The following FUT8 variants were observed in gnomAD, a reference collection of about 807,000 sequenced individuals.
The protein encoded by FUT8 is fucosyltransferase 8, also known as alpha-(1,6)-fucosyltransferase.
In FUT8, 29 loss-of-function variants were observed where a neutral mutation model predicts 71.3. The ratio of observed to expected loss-of-function variants is 0.41; its 90% CI spans 0.30 to 0.55. FUT8 has a LOEUF of 0.55. FUT8 is among the 20% of genes least tolerant of loss of function. FUT8 has a pLI of 0.34. For missense variants in FUT8, 544 were observed against 702.1 expected, an observed-to-expected ratio of 0.77 and a Z score of 2.55; for synonymous variants, 254 against 239.3, an observed-to-expected ratio of 1.06 and a Z score of -0.57.
intron 2 of FUT8, among the ~76,000 whole-genome samples, chr14:65,525,986 G>T (rs1883440178): frequency 6.6e-6 from 1 of 152,148 alleles, no homozygotes; most frequent in East Asian, 1.9e-4. Context: ...TTCCAATTAT[G>T]TGGTCAATTT....
chr14:65,378,425 G>A, the FUT8 span, among the ~76,000 whole-genome samples: 13 of 152,240 alleles, frequency 8.5e-5, no homozygotes, highest in Admixed American at 2.6e-4. Context: ...TTTTGGAGTG[G>A]AGATGAAATG....
chr14:65,451,666 T>C (rs1241854385), intron 1 of FUT8, among the ~76,000 whole-genome samples: 1 of 152,156 alleles, frequency 6.6e-6, no homozygotes, highest in Non-Finnish European at 1.5e-5. Flanking sequence ...GGGGATTTTA[T>C]TGGAAATGAA....
Position 65,613,004 on chromosome 14 carries a change from A to AT in FUT8, c.204-2964dup, listed in dbSNP as rs1026782587. On this transcript the variant is annotated intron_variant, in intron 3 of 10. Transcript: ENST00000673929. The stretch of plus-strand genomic sequence containing the variant: ...AGTTTGGAAAGAATAGTTCTCCTGT[A>AT]TTTTTTTTTTAGAGTGATTTTTCCA... Among the ~76,000 whole-genome samples, 519 of 145,258 alleles carry AT rather than the reference A, an allele frequency of 3.6e-3. 4 individuals are homozygous for AT. The highest frequency in any genetic ancestry group is 9.1e-3 in the African/African-American group (360 of 39,494).
intron 6 of FUT8, among the ~76,000 whole-genome samples, chr14:65,659,294 A>G (rs1891845928): frequency 6.6e-6 from 1 of 152,034 alleles, no homozygotes; most frequent in East Asian, 1.9e-4. Context: ...GCATGGAGAA[A>G]TGAGACAAAG....
At position 65,514,845 on chromosome 14, in the gene FUT8, C is replaced by T. The variant is rs1023408065; in HGVS notation, c.-227-46492C>T. On this transcript the variant is annotated intron_variant, in intron 2 of 10. Transcript: ENST00000673929. ...AATCACTTCTTTACCTCAGTTTTCT[C>T]CTCTTCAAAATGGAGATAATGCCTA... 2.0e-5 allele frequency among the ~76,000 whole-genome samples: 3 copies of T among 152,174 alleles called. No homozygotes were observed. In the East Asian group the frequency reaches 5.8e-4, roughly 29 times the overall value.
intron 7 of FUT8, among the ~76,000 whole-genome samples, chr14:65,720,635 C>T (rs1427719735): frequency 4.6e-5 from 7 of 152,170 alleles, no homozygotes; most frequent in Admixed American, 6.5e-5. Flanking sequence ...CACTAGGTTA[C>T]GTGCCCCCTA....
chr14:65,424,236 T>C (rs1477141110), intron 1 of FUT8, among the ~76,000 whole-genome samples: 2 of 152,230 alleles, frequency 1.3e-5, no homozygotes. Flanking sequence ...ATATTCACTC[T>C]TGAGCTCACC....
At position 65,611,953 on chromosome 14, in the gene FUT8, A is replaced by T. The variant is rs148828291; in HGVS notation, c.204-4025A>T. 9.8e-3 allele frequency among the ~76,000 whole-genome samples: 1,494 copies of T among 152,204 alleles called. 24 individuals are homozygous for T. The highest frequency in any genetic ancestry group is 0.035 in the African/African-American group (1,435 of 41,514). ...TGGGATTACAGGCGTGAGCCACCGC[A>T]CCTGGCCTATTAAAATTTTAACATC... On this transcript the variant is annotated intron_variant, in intron 3 of 10. Coordinates refer to ENST00000673929, the MANE Select transcript of FUT8 (RefSeq NM_001371533.1).
chr14:65,378,767 T>C, the FUT8 span, among the ~76,000 whole-genome samples: 1 of 152,156 alleles, frequency 6.6e-6, no homozygotes, highest in Admixed American at 6.5e-5. Context: ...GCATCAAAAT[T>C]TTCTTTGACT....
At chr14:65,734,972 TCTCCAGACATTGCCAGATGC>T (rs2034800309) in intron 10 of FUT8, among the ~76,000 whole-genome samples, 1 of 152,128 alleles carries the variant, frequency 6.6e-6, no homozygotes, top group Admixed American at 6.5e-5. Context: ...ACCAAAGATG[TCTCCAGACATTGCCAGATGC>T]CAGATGCCCC....
chr14:65,409,435 A>G (rs1373283211), upstream of FUT8, among the ~76,000 whole-genome samples: 2 of 152,204 alleles, frequency 1.3e-5, no homozygotes, highest in African/African-American at 2.4e-5. The surrounding 1 kb of genome is among the most constrained non-coding windows in gnomAD (Gnocchi z 5.4). Flanking sequence ...CAAAGGTTTG[A>G]TTTGAGAATT....
chr14:65,503,183 C>T (rs897753355), intron 2 of FUT8, among the ~76,000 whole-genome samples: 2 of 152,202 alleles, frequency 1.3e-5, no homozygotes, highest in African/African-American at 4.8e-5. Flanking sequence ...TAATGCTGCC[C>T]TGAATGCAGA....
chr14:65,609,634 A>G (rs7155055), intron 3 of FUT8, among the ~76,000 whole-genome samples: 9,337 of 151,762 alleles, frequency 0.062, 446 homozygotes, highest in Admixed American at 0.11. Context: ...CTAGTACCTC[A>G]CTGTCTTGAT....
At chr14:65,594,019 C>T (rs1013497367) in intron 3 of FUT8, among the ~76,000 whole-genome samples, 3 of 152,232 alleles carry the variant, frequency 2.0e-5, no homozygotes, top group Non-Finnish European at 4.4e-5. Context: ...CTAAGATGTG[C>T]TTTCTAACAA....
At chr14:65,602,363 A>T (rs1888344593) in intron 3 of FUT8, among the ~76,000 whole-genome samples, 1 of 128,136 alleles carries the variant, frequency 7.8e-6, no homozygotes, top group Admixed American at 7.8e-5. Flanking sequence ...ACACACACAC[A>T]CACACACACA....
intron 7 of FUT8, among the ~76,000 whole-genome samples, chr14:65,707,127 A>G (rs1456645698): frequency 3.3e-5 from 5 of 152,184 alleles, no homozygotes; most frequent in African/African-American, 9.7e-5. Context: ...ATTCCCACCA[A>G]TGGTGTACAA....
chr14:65,555,758 T>C (rs1456868031), intron 2 of FUT8, among the ~76,000 whole-genome samples: 1 of 152,252 alleles, frequency 6.6e-6, no homozygotes, highest in African/African-American at 2.4e-5. Context: ...TTTCTAAATA[T>C]GTTTTTTAAA....
intron 5 of FUT8, among the ~76,000 whole-genome samples, chr14:65,625,332 A>G (rs1889843442): frequency 1.3e-5 from 2 of 152,272 alleles, no homozygotes; most frequent in South Asian, 2.1e-4. Context: ...GCAACTCACA[A>G]TTTCATACAG....
chr14:65,537,299 T>C (rs1884379911), intron 2 of FUT8, among the ~76,000 whole-genome samples: 1 of 151,914 alleles, frequency 6.6e-6, no homozygotes, highest in South Asian at 2.1e-4. Context: ...AGAACTAGTG[T>C]AGTCATTGGG....
Sources: gnomAD v4.1 joint callset for allele counts (sites outside exome capture counted in the v4.1 genomes callset) on GRCh38, gnomAD v4.1.1 for gene constraint, Gnocchi (gnomAD v3.1) non-coding constraint, MANE v1.5 for transcripts, NCBI Gene and HGNC (gene_info 2026-07-23, HGNC 2026-07-21) for gene names.